The following ABCA4 variants were observed in gnomAD, a reference collection of about 807,000 sequenced individuals.
The protein encoded by ABCA4 is ATP binding cassette subfamily A member 4, also known as retinal-specific phospholipid-transporting ATPase ABCA4.
In ABCA4, 196 loss-of-function variants were observed where a neutral mutation model predicts 263.7. The observed-to-expected ratio is 0.74, with a 90% CI of 0.66 to 0.84. The LOEUF (loss-of-function observed/expected upper bound fraction) is 0.84, where lower values mean the gene tolerates loss of function less well. Ranked by LOEUF, ABCA4 falls within the 40% of genes least tolerant of loss-of-function variation. The pLI is 0.00. For missense variants in ABCA4, 2,792 were observed against 2,855.1 expected, an observed-to-expected ratio of 0.98 and a Z score of 0.50; for synonymous variants, 1,133 against 1,094.2, an observed-to-expected ratio of 1.04 and a Z score of -0.70.
chr1:94,013,033 G>A (rs1286680394), intron 38 of ABCA4, among the ~76,000 whole-genome samples: 3 of 150,922 alleles, frequency 2.0e-5, no homozygotes, highest in African/African-American at 7.5e-5. Context: ...CTTAGCAAAT[G>A]TTGGCTAAAT....
intron 35 of ABCA4, 81 bp downstream of exon 35, chr1:94,021,159 G>A (rs553151242): frequency 2.6e-4 from 412 of 1,589,246 alleles, no homozygotes; most frequent in Middle Eastern, 8.0e-4. Context: ...AGCACTTCGC[G>A]GTGGTGAGAA....
intron 22 of ABCA4, among the ~76,000 whole-genome samples, chr1:94,042,088 G>A (rs1660503469): frequency 3.0e-5 from 3 of 101,360 alleles, no homozygotes; most frequent in African/African-American, 7.9e-5. Flanking sequence ...GACAGAGCGA[G>A]ATTCTGTCTC....
chr1:94,077,047 C>T lies in ABCA4; in HGVS notation c.1554+643G>A, dbSNP rs377182649. 7.9e-5 allele frequency among the ~76,000 whole-genome samples: 12 copies of T among 152,300 alleles called. No individual in the cohort carries two copies. In the South Asian group the frequency reaches 1.0e-3, roughly 13 times the overall value. On this transcript the variant is annotated intron_variant, in intron 11 of 49. Transcript: ENST00000370225. ...AATTGGCAATGATAATGGTGCAAGC[C>T]TCATGGAGCTGTGAGAATTAAATGA...
At chr1:94,000,203 C>T in intron 47 of ABCA4, among the ~76,000 whole-genome samples, 1 of 152,176 alleles carries the variant, frequency 6.6e-6, no homozygotes, top group East Asian at 1.9e-4. Flanking sequence ...CTGCTCTTTT[C>T]TAGGTTATAA....
At chr1:94,007,523 A>T in intron 43 of ABCA4, 111 bp downstream of exon 43, 1 of 982,892 alleles carries the variant, frequency 1.0e-6, no homozygotes, top group Non-Finnish European at 1.6e-6. Flanking sequence ...CTCTGTACAG[A>T]TCTTTCAGGG....
intron 11 of ABCA4, among the ~76,000 whole-genome samples, chr1:94,070,566 T>C (rs941325486): frequency 2.0e-5 from 3 of 152,056 alleles, no homozygotes; most frequent in Admixed American, 6.5e-5. Flanking sequence ...CTAAGGTAAG[T>C]TGGGAAGTCA....
intron 36 of ABCA4, among the ~76,000 whole-genome samples, chr1:94,018,879 T>C (rs1659813949): frequency 6.6e-6 from 1 of 151,602 alleles, no homozygotes; most frequent in African/African-American, 2.4e-5. Flanking sequence ...AATAAATATT[T>C]TTTCTTCATT....
At position 94,106,811 on chromosome 1, in the gene ABCA4, G is replaced by A. The variant is rs115630480; in HGVS notation, c.442+1766C>T. Reference sequence around the variant, plus strand: ...ATGGGAGGAGGATCAGATTCTCCTCGGAGAAGTTTCCCCTGTTGACTCTCC... The same window carrying A: ...ATGGGAGGAGGATCAGATTCTCCTCAGAGAAGTTTCCCCTGTTGACTCTCC... On this transcript the variant is annotated intron_variant, in intron 4 of 49. Coordinates refer to ENST00000370225, the MANE Select transcript of ABCA4 (RefSeq NM_000350.3). 2.1e-3 allele frequency among the ~76,000 whole-genome samples: 317 copies of A among 152,156 alleles called. 1 individual carries two copies. The highest frequency in any genetic ancestry group is 7.4e-3 in the African/African-American group (307 of 41,500).
intron 40 of ABCA4, among the ~76,000 whole-genome samples, chr1:94,010,277 C>T (rs1229938268): frequency 2.0e-5 from 3 of 152,220 alleles, no homozygotes; most frequent in Non-Finnish European, 2.9e-5. Context: ...GCCAGCTAAC[C>T]TGGCATTTGA....
chr1:94,077,752 C>T lies in ABCA4; in HGVS notation c.1492G>A (p.Asp498Asn), dbSNP rs750836609. 56 of 1,614,026 alleles carry T rather than the reference C, an allele frequency of 3.5e-5. No homozygotes were observed. The highest frequency in any genetic ancestry group is 4.4e-5 in the Non-Finnish European group (52 of 1,180,022). ...GTGATGTTAAATATGTCCCTCCAGT[C>T]GAAGTTGGCCATGTCGTCAGCCTGG... Reference protein sequence around the residue: ...ESQADDMANFDWRDIFNITDR... With the variant: ...ESQADDMANFNWRDIFNITDR... Residue 498 changes from aspartate to asparagine, a missense_variant, in exon 11 of 50, where the codon GAC becomes AAC. Coordinates refer to ENST00000370225, the MANE Select transcript of ABCA4 (RefSeq NM_000350.3).
chr1:94,007,773 G>A, intron 42 of ABCA4, 33 bp from the exon 43 acceptor site: 4 of 1,587,288 alleles, frequency 2.5e-6, no homozygotes, highest in Non-Finnish European at 3.5e-6. Context: ...CCTGGCCCTA[G>A]AGATCAAGAA....
At chr1:94,022,496 G>A (rs1000169583) in intron 32 of ABCA4, among the ~76,000 whole-genome samples, 1 of 152,106 alleles carries the variant, frequency 6.6e-6, no homozygotes, top group African/African-American at 2.4e-5. Context: ...GGGCTTCTGT[G>A]CCTCACACCT....
At chr1:94,044,888 G>A (rs1660631079) in intron 19 of ABCA4, 144 bp from the exon 20 acceptor site, 1 of 1,264,104 alleles carries the variant, frequency 7.9e-7, no homozygotes, top group East Asian at 2.4e-5. Flanking sequence ...ATTAGCTGTG[G>A]GGCCCCCTTA....
chr1:94,120,848 C>T (rs978508373), intron 1 of ABCA4, 132 bp downstream of exon 1: 13 of 810,638 alleles, frequency 1.6e-5, no homozygotes, highest in Middle Eastern at 3.4e-4. Context: ...CAGTGCTAAT[C>T]GGCGACAAGC....
rs746566873 is a variant in ABCA4 at position 94,051,677 on chromosome 1, G to A, written c.2609C>T (p.Pro870Leu). ...VFPGDYGTPLPWYFLLQESYW... is the reference protein window; with the variant it reads ...VFPGDYGTPLLWYFLLQESYW... ...CGACTCTTGTAGAAGAAAGTACCAA[G>A]GAAGTGGGGTTCCATAGTCTCCTAA... Residue 870 changes from proline (P) to leucine (L), a missense_variant, in exon 17 of 50, where the codon CCT (proline) becomes CTT (leucine). By Grantham distance (98) the Pro-to-Leu change is moderately conservative. Transcript: ENST00000370225. 14 of 1,613,922 alleles carry A rather than the reference G, an allele frequency of 8.7e-6. No homozygotes were observed. The highest frequency in any genetic ancestry group is 1.2e-5 in the Non-Finnish European group (14 of 1,179,870).
intron 30 of ABCA4, among the ~76,000 whole-genome samples, chr1:94,028,834 G>T (rs1660107830): frequency 6.9e-6 from 1 of 144,232 alleles, no homozygotes; most frequent in African/African-American, 2.6e-5. Context: ...TTGAACCTGG[G>T]AGGCAGAGGT....
rs532610965 is a variant in ABCA4 at position 94,057,078 on chromosome 1, GT to G, written c.2161-257del. Among the ~76,000 whole-genome samples, 14 of 152,298 alleles carry G rather than the reference GT, an allele frequency of 9.2e-5. No homozygotes were observed. In the South Asian group the frequency reaches 2.7e-3, roughly 29 times the overall value. On this transcript the variant is annotated intron_variant, in intron 14 of 49. Coordinates refer to ENST00000370225, the MANE Select transcript of ABCA4 (RefSeq NM_000350.3). Reference sequence around the variant, plus strand: ...GGTTGAAACGGCCCCAGCATTCTGTGTTCCTACATCAGCAAACCAAAACCCA... The same window carrying G: ...GGTTGAAACGGCCCCAGCATTCTGTGTCCTACATCAGCAAACCAAAACCCA...
intron 14 of ABCA4, among the ~76,000 whole-genome samples, chr1:94,057,934 C>A (rs1274578184): frequency 6.6e-6 from 1 of 152,184 alleles, no homozygotes; most frequent in Non-Finnish European, 1.5e-5. Context: ...AGGTCCATGT[C>A]CTAAATGAGT....
intron 45 of ABCA4, chr1:94,001,640 C>T (rs984197791): frequency 8.3e-6 from 6 of 722,002 alleles, no homozygotes; most frequent in Middle Eastern, 2.3e-4. Flanking sequence ...GCAGGATGTG[C>T]GCAGTCCCAA....
Sources: gnomAD v4.1 joint callset for allele counts (sites outside exome capture counted in the v4.1 genomes callset) on GRCh38, gnomAD v4.1.1 for gene constraint, MANE v1.5 for transcripts, NCBI Gene and HGNC (gene_info 2026-07-23, HGNC 2026-07-21) for gene names.